The following TIPIN variants were observed in gnomAD, a reference collection of about 807,000 sequenced individuals.
The protein encoded by TIPIN is TIMELESS interacting protein.
In TIPIN, 29 loss-of-function variants were observed where a neutral mutation model predicts 35.6. The ratio of observed to expected loss-of-function variants is 0.82; its 90% CI spans 0.61 to 1.11. TIPIN has a LOEUF of 1.11. Among genes scored for constraint, TIPIN ranks in the 50% most tolerant of loss-of-function variants. The probability of loss-of-function intolerance (pLI) is 0.00; values close to 1 mark genes in which losing one functional copy is unlikely to be tolerated. For synonymous variants in TIPIN, 102 were observed against 121.5 expected (o/e 0.84, Z 1.06); for missense variants, 296 against 345.4 (o/e 0.86, Z 1.13).
chr15:66,344,742 G>A (rs2093112312), intron 6 of TIPIN, among the ~76,000 whole-genome samples: 1 of 151,754 alleles, frequency 6.6e-6, no homozygotes, highest in African/African-American at 2.4e-5. Context: ...GGTGGTGCAT[G>A]CCTGTAATCC....
Position 66,384,940 on chromosome 15 carries a change from A to AC in TIPIN, c.-9+1666dup, listed in dbSNP as rs201119208. On this transcript the variant is annotated intron_variant, in intron 1 of 7. Coordinates refer to the TIPIN transcript ENST00000562124. ...AACAAAAACAAAACAAAACAAAAACACCCCCCCAAAAAACAAAACAAAACA... is the reference window on the plus strand; with the variant it reads ...AACAAAAACAAAACAAAACAAAAACACCCCCCCCAAAAAACAAAACAAAACA... Among the ~76,000 whole-genome samples, 1,242 of 151,250 alleles carry AC rather than the reference A, an allele frequency of 8.2e-3. 10 individuals carry two copies. Among genetic ancestry groups the AC allele is most frequent in the Admixed American group, 0.014 (205 of 15,116 alleles).
chr15:66,342,996 T>G (rs1196012540), intron 6 of TIPIN, among the ~76,000 whole-genome samples: 3 of 152,174 alleles, frequency 2.0e-5, no homozygotes, highest in Non-Finnish European at 4.4e-5. Flanking sequence ...TATGACAGAG[T>G]TACTGTCTGA....
In TIPIN at chr15:66,352,150, A is replaced by G. The variant is rs1444800412; in HGVS notation, c.191T>C (p.Ile64Thr). Residue 64 changes from isoleucine to threonine, a missense_variant, in exon 3 of 8, where the codon ATA (isoleucine) becomes ACA (threonine). Ile to Thr is a moderately conservative substitution (Grantham distance 89, BLOSUM62 -1). Transcript: ENST00000261881. The stretch of plus-strand genomic sequence containing the variant: ...GTACCTCTGAGCATCCAGCTTGGGT[A>G]TATTTCTTTTAACTGTTCTCTTTGG... ...VPPKRTVKRN[I>T]PKLDAQRLIS... The G allele has an allele frequency of 3.1e-6, 5 of 1,609,346 alleles. No homozygotes were observed. The highest frequency in any genetic ancestry group is 1.1e-5 in the South Asian group (1 of 89,930).
chr15:66,386,240 G>A (rs535221846), intron 1 of TIPIN, among the ~76,000 whole-genome samples: 6 of 151,880 alleles, frequency 4.0e-5, no homozygotes, highest in East Asian at 1.9e-4. Flanking sequence ...GGTAGTTAGC[G>A]GAGATCGCGC....
chr15:66,379,901 G>A, intron 1 of TIPIN: 1 of 1,546,676 alleles, frequency 6.5e-7, no homozygotes, highest in Non-Finnish European at 8.8e-7. Context: ...TCTGATTAAT[G>A]AGAATGGTCT....
chr15:66,346,707 A>G (rs773924104), intron 6 of TIPIN, among the ~76,000 whole-genome samples: 9 of 152,218 alleles, frequency 5.9e-5, no homozygotes, highest in Non-Finnish European at 1.3e-4. Flanking sequence ...GAACTGTAAT[A>G]ACTCATTCCT....
At chr15:66,342,204 A>G (rs903722130) in intron 6 of TIPIN, among the ~76,000 whole-genome samples, 2 of 150,870 alleles carry the variant, frequency 1.3e-5, no homozygotes, top group Non-Finnish European at 3.0e-5. Flanking sequence ...AAAAAAAAAA[A>G]AAAAGAAAGA....
intron 6 of TIPIN, among the ~76,000 whole-genome samples, chr15:66,346,997 A>G (rs1305864810): frequency 1.3e-5 from 2 of 151,902 alleles, no homozygotes; most frequent in African/African-American, 2.4e-5. Context: ...GGGTTTCACC[A>G]TGTTAGCCAG....
intron 1 of TIPIN, among the ~76,000 whole-genome samples, chr15:66,372,872 C>T (rs1329322370): frequency 6.6e-6 from 1 of 151,882 alleles, no homozygotes; most frequent in Non-Finnish European, 1.5e-5. Context: ...CACTGCATTC[C>T]AGCCTGGGTG....
upstream of TIPIN, among the ~76,000 whole-genome samples, chr15:66,358,445 T>G (rs2093216763): frequency 6.6e-6 from 1 of 151,990 alleles, no homozygotes; most frequent in African/African-American, 2.4e-5. Flanking sequence ...TTTTTTTTTT[T>G]TCTTCTTTGA....
At chr15:66,344,706 A>G (rs1464838225) in intron 6 of TIPIN, among the ~76,000 whole-genome samples, 1 of 151,504 alleles carries the variant, frequency 6.6e-6, no homozygotes, top group Non-Finnish European at 1.5e-5. Flanking sequence ...AAAGAAAAAA[A>G]AAAAAAAGAA....
chr15:66,349,399 G>T lies in TIPIN; in HGVS notation c.327C>A (p.His109Gln). 1 of 1,613,854 alleles carries T rather than the reference G, an allele frequency of 6.2e-7. No homozygotes were observed. The highest frequency in any genetic ancestry group is 8.5e-7 in the Non-Finnish European group (1 of 1,179,954). ...GTTTAGGGAATAGCCTATGTGCCCA[G>T]TGCTCCATGTGTCTGATTAGCATCT... is the stretch of plus-strand genomic sequence containing the variant. ...DLKMLIRHME[H>Q]WAHRLFPKLQ... Residue 109 changes from histidine (H) to glutamine (Q), a missense_variant, in exon 5 of 8, where the codon CAC becomes CAA. By Grantham distance (24) the His-to-Gln change is conservative. Transcript: ENST00000261881.
At chr15:66,359,991 G>A (rs772568174), upstream of TIPIN, among the ~76,000 whole-genome samples, 3 of 152,052 alleles carry the variant, frequency 2.0e-5, no homozygotes, top group Non-Finnish European at 2.9e-5. Flanking sequence ...CACTGTAACC[G>A]TGAACTTCTG....
intron 1 of TIPIN, among the ~76,000 whole-genome samples, chr15:66,367,426 G>A (rs1286575850): frequency 1.3e-5 from 2 of 150,568 alleles, no homozygotes; most frequent in East Asian, 1.9e-4. Context: ...ATGGAGTCTC[G>A]CTGTGTCACC....
At chr15:66,374,930 G>A (rs565391642) in intron 1 of TIPIN, among the ~76,000 whole-genome samples, 2 of 152,002 alleles carry the variant, frequency 1.3e-5, no homozygotes, top group African/African-American at 4.8e-5. Flanking sequence ...GGATGGTCTC[G>A]AACTCCTGAC....
chr15:66,345,088 T>C (rs1306668704), intron 6 of TIPIN, among the ~76,000 whole-genome samples: 5 of 151,838 alleles, frequency 3.3e-5, no homozygotes, highest in African/African-American at 1.2e-4. Context: ...GGAAACAGCA[T>C]AGGGGAGTCA....
chr15:66,338,788 T>C (rs575688889), intron 7 of TIPIN, among the ~76,000 whole-genome samples: 9 of 118,332 alleles, frequency 7.6e-5, no homozygotes, highest in African/African-American at 2.5e-4. Context: ...CACTCCAGCC[T>C]GGGTGACAGA....
At chr15:66,343,932 A>C (rs2093105445) in intron 6 of TIPIN, among the ~76,000 whole-genome samples, 1 of 151,976 alleles carries the variant, frequency 6.6e-6, no homozygotes, top group South Asian at 2.1e-4. Context: ...CGGGAGGCAG[A>C]GGTTGCAGTG....
intron 1 of TIPIN, chr15:66,371,304 T>C (rs2093276870): frequency 3.0e-6 from 3 of 984,748 alleles, no homozygotes; most frequent in Non-Finnish European, 3.6e-6. Context: ...GTATTTGTTA[T>C]ATAATTTAAA....
Sources: allele counts gnomAD v4.1 joint callset (sites outside exome capture counted in the v4.1 genomes callset), GRCh38; gene constraint gnomAD v4.1.1; transcripts MANE v1.5; gene names NCBI Gene and HGNC (gene_info 2026-07-23, HGNC 2026-07-21).